The following EPHX2 variants were observed in gnomAD, a reference collection of about 807,000 sequenced individuals.
The protein encoded by EPHX2 is epoxide hydrolase 2.
In EPHX2, 74 loss-of-function variants were observed where a neutral mutation model predicts 78.7. That is an observed-to-expected ratio of 0.94 (90% CI 0.78 to 1.14). EPHX2 has a LOEUF of 1.14. Ranked by LOEUF, EPHX2 falls within the 50% of genes most tolerant of loss-of-function variation. The pLI is 0.00. For missense variants in EPHX2, 715 were observed against 702.5 expected, an observed-to-expected ratio of 1.02 and a Z score of -0.20; for synonymous variants, 251 against 255.2, an observed-to-expected ratio of 0.98 and a Z score of 0.16.
At chr8:27,527,224 T>C (rs879455578) in intron 12 of EPHX2, among the ~76,000 whole-genome samples, 2 of 152,162 alleles carry the variant, frequency 1.3e-5, no homozygotes, top group Non-Finnish European at 2.9e-5. Flanking sequence ...CCCAAAGTGC[T>C]GGGATTACAG....
intron 14 of EPHX2, 159 bp downstream of exon 14, chr8:27,538,851 C>T (rs1815297933): frequency 1.4e-6 from 1 of 724,694 alleles, no homozygotes; most frequent in Non-Finnish European, 2.4e-6. Flanking sequence ...CTGACTCTAA[C>T]CCCAGGCCTG....
intron 4 of EPHX2, among the ~76,000 whole-genome samples, chr8:27,506,283 ACTTT>A (rs946772273): frequency 3.3e-5 from 5 of 152,182 alleles, no homozygotes; most frequent in Non-Finnish European, 5.9e-5. Context: ...CAAGCCTAGC[ACTTT>A]CTTTATTACT....
intron 11 of EPHX2, among the ~76,000 whole-genome samples, chr8:27,522,962 CAAAAAAAAAAAAAAAA>C (rs539360462): frequency 3.2e-5 from 2 of 62,682 alleles, no homozygotes; most frequent in Non-Finnish European, 6.0e-5. Context: ...ACTCCGTTTC[CAAAAAAAAAAAAAAAA>C]AAAAAAAAAG....
At chr8:27,532,785 A>G (rs1451553770) in intron 12 of EPHX2, among the ~76,000 whole-genome samples, 1 of 152,186 alleles carries the variant, frequency 6.6e-6, no homozygotes, top group Non-Finnish European at 1.5e-5. Context: ...CCAAGATGAT[A>G]TCATTTAAAG....
intron 1 of EPHX2, 117 bp from the exon 2 acceptor site, chr8:27,500,808 GT>G: frequency 1.1e-6 from 1 of 922,964 alleles, no homozygotes; most frequent in Non-Finnish European, 1.7e-6. Context: ...GCATTTTCCA[GT>G]TCCTGGCAGT....
At chr8:27,534,343 G>A (rs1815142051) in intron 12 of EPHX2, among the ~76,000 whole-genome samples, 1 of 152,124 alleles carries the variant, frequency 6.6e-6, no homozygotes. Flanking sequence ...GAGGAGTGAT[G>A]AGCAGAACAA....
rs1491486092 is a variant in EPHX2 at position 27,501,380 on chromosome 8, T to TC, written c.186+371dup. ...TTCTTCTTCTTCTTCTTCTTCTTCT[T>TC]CTTCTTCTTCTTCTTTCTTCTTTCT... is the stretch of plus-strand genomic sequence containing the variant. On this transcript the variant is annotated intron_variant, in intron 2 of 18. Coordinates refer to ENST00000521400, the MANE Select transcript of EPHX2 (RefSeq NM_001979.6). Among the ~76,000 whole-genome samples the TC allele has an allele frequency of 3.6e-3, 415 of 115,022 alleles. 8 individuals are homozygous for TC. Among genetic ancestry groups the TC allele is most frequent in the African/African-American group, 0.014 (389 of 27,156 alleles). The allele number at this position is 115,022 out of a possible 152,430, so 75.5% of individuals were successfully genotyped here. A position where few individuals can be genotyped will look rare whatever the true frequency, so the allele number is the denominator to read the frequency against.
intron 15 of EPHX2, 41 bp downstream of exon 15, chr8:27,540,697 C>G (rs761227082): frequency 8.2e-6 from 13 of 1,579,828 alleles, no homozygotes; most frequent in African/African-American, 1.3e-5. Context: ...GAGAGATGAT[C>G]GACAGATAGG....
At chr8:27,498,546 CCT>C (rs768181666) in intron 1 of EPHX2, among the ~76,000 whole-genome samples, 11 of 152,152 alleles carry the variant, frequency 7.2e-5, no homozygotes, top group Non-Finnish European at 1.0e-4. Flanking sequence ...ATAATTTTCC[CCT>C]GTTTTCCCAC....
rs1377234682 is a variant in EPHX2 at position 27,540,513 on chromosome 8, G to A, written c.1277-41G>A. The A allele has an allele frequency of 1.9e-6, 3 of 1,588,550 alleles. No homozygotes were observed. The African/African-American group carries it at 4.0e-5, about 21-fold the overall frequency. ...TCCCCACCTTAAAATGCAGACACCT[G>A]GCCCGGGGATGGGAAAGTCAACAAG... On this transcript the variant is annotated intron_variant, in intron 14 of 18. Transcript: ENST00000521400.
chr8:27,512,679 C>A (rs1351257795), intron 6 of EPHX2, among the ~76,000 whole-genome samples: 1 of 152,088 alleles, frequency 6.6e-6, no homozygotes, highest in African/African-American at 2.4e-5. Context: ...ATGAAAGGAT[C>A]TAAAGCAGTG....
At chr8:27,547,932 T>C (rs1815601527), downstream of EPHX2, among the ~76,000 whole-genome samples, 1 of 152,238 alleles carries the variant, frequency 6.6e-6, no homozygotes, top group African/African-American at 2.4e-5. Flanking sequence ...TATTTTTATT[T>C]CATGATTACA....
At chr8:27,510,682 C>T (rs545355842) in intron 5 of EPHX2, among the ~76,000 whole-genome samples, 37 of 152,142 alleles carry the variant, frequency 2.4e-4, no homozygotes, top group Admixed American at 2.2e-3. Flanking sequence ...GCACAGGAGC[C>T]GTGGCTCACT....
chr8:27,491,160 T>G lies in EPHX2; in HGVS notation c.-49T>G, dbSNP rs544582307. Reference sequence around the variant, plus strand: ...GGTCATGCGCCCTGGCCTTCGCGCATCTCCCAGGTTAGCTGCGTGTCCGGG... The same window carrying G: ...GGTCATGCGCCCTGGCCTTCGCGCAGCTCCCAGGTTAGCTGCGTGTCCGGG... On this transcript the variant is annotated 5_prime_UTR_variant, in exon 1 of 19. Transcript: ENST00000521400. 36 of 1,518,342 alleles carry G rather than the reference T, an allele frequency of 2.4e-5. No homozygotes were observed. In the East Asian group the frequency reaches 7.8e-4, roughly 33 times the overall value. The allele number at this position is 1,518,342 out of a possible 1,614,324, so 94.1% of individuals were successfully genotyped here.
intron 8 of EPHX2, among the ~76,000 whole-genome samples, chr8:27,516,888 A>T (rs1038733339): frequency 1.3e-5 from 2 of 148,904 alleles, no homozygotes; most frequent in African/African-American, 2.5e-5. Context: ...AGTTTCCTCC[A>T]TGTTATAGAC....
rs1815544963 is a variant in EPHX2 at position 27,545,106 on chromosome 8, A to G, written c.*584A>G. 1 of 152,702 alleles carries G rather than the reference A, an allele frequency of 6.5e-6. No homozygotes were observed. The highest frequency in any genetic ancestry group is 2.4e-5 in the African/African-American group (1 of 41,440). 9.5% of individuals were successfully genotyped at this position (152,702 alleles called of 1,614,324 possible). Reference sequence around the variant, plus strand: ...AGTGGTGTCTTGTGCTCTGTCCCCTAGAGCAGTCACTGGCCACAGGTAGCC... The same window carrying G: ...AGTGGTGTCTTGTGCTCTGTCCCCTGGAGCAGTCACTGGCCACAGGTAGCC... On this transcript the variant is annotated 3_prime_UTR_variant, in exon 19 of 19. Transcript: ENST00000521400.
chr8:27,514,544 C>T (rs1814379280), intron 6 of EPHX2, among the ~76,000 whole-genome samples: 1 of 152,192 alleles, frequency 6.6e-6, no homozygotes, highest in South Asian at 2.1e-4. Context: ...ATAACAAACA[C>T]CCTGTCCCTT....
At chr8:27,501,252 ACTT>A (rs1373937131) in intron 2 of EPHX2, among the ~76,000 whole-genome samples, 1 of 152,098 alleles carries the variant, frequency 6.6e-6, no homozygotes, top group African/African-American at 2.4e-5. Context: ...TGAATTATTG[ACTT>A]TTTATTTAAT....
intron 5 of EPHX2, among the ~76,000 whole-genome samples, chr8:27,507,893 C>T (rs570365261): frequency 6.6e-6 from 1 of 152,286 alleles, no homozygotes; most frequent in Admixed American, 6.5e-5. Flanking sequence ...TTCCTAACTT[C>T]CTCCTTTTAT....
Sources: gnomAD v4.1 joint callset for allele counts (sites outside exome capture counted in the v4.1 genomes callset) on GRCh38, gnomAD v4.1.1 for gene constraint, MANE v1.5 for transcripts, NCBI Gene and HGNC (gene_info 2026-07-23, HGNC 2026-07-21) for gene names.